LGR4: variants seen among roughly 807,000 people sequenced by gnomAD.
LGR4 encodes leucine-rich repeat-containing G protein-coupled receptor 4.
A neutral mutation model predicts 84.8 loss-of-function variants in LGR4; 44 were observed. That is an observed-to-expected ratio of 0.52 (90% confidence interval 0.41 to 0.67). The LOEUF is 0.67. Ranked by LOEUF, LGR4 falls within the 30% of genes least tolerant of loss-of-function variation. The probability of loss-of-function intolerance (pLI) is 0.00; values close to 1 mark genes in which losing one functional copy is unlikely to be tolerated. For synonymous variants in LGR4, 429 were observed against 434.3 expected (o/e 0.99, Z 0.15); for missense variants, 1,032 against 1,131.4 (o/e 0.91, Z 1.26).
chr11:27,437,659 T>TTGTGTG (rs1864234234), intron 1 of LGR4, among the ~76,000 whole-genome samples: 1 of 64,536 alleles, frequency 1.5e-5, no homozygotes, highest in African/African-American at 5.2e-5. Context: ...TTTAAAGGAC[T>TTGTGTG]AGTGTGTGTG....
chr11:27,408,379 T>C (rs1490205206), intron 2 of LGR4, among the ~76,000 whole-genome samples: 1 of 152,118 alleles, frequency 6.6e-6, no homozygotes, highest in Non-Finnish European at 1.5e-5. Flanking sequence ...CAACTGGAAT[T>C]ATCCTAGTCA....
At chr11:27,444,562 A>T (rs1864356277) in intron 1 of LGR4, among the ~76,000 whole-genome samples, 1 of 152,216 alleles carries the variant, frequency 6.6e-6, no homozygotes, top group Non-Finnish European at 1.5e-5. Context: ...TTTTACAATT[A>T]AACAATCTCT....
intron 1 of LGR4, among the ~76,000 whole-genome samples, chr11:27,452,935 T>C (rs758380580): frequency 6.6e-6 from 1 of 152,168 alleles, no homozygotes; most frequent in Non-Finnish European, 1.5e-5. Context: ...GCCTGTTGTA[T>C]TGACATACCA....
chr11:27,469,092 GT>G (rs1416922656), intron 1 of LGR4, among the ~76,000 whole-genome samples: 4 of 152,146 alleles, frequency 2.6e-5, no homozygotes, highest in African/African-American at 9.7e-5. Context: ...GGGGTGAATT[GT>G]GACAGGCCAG....
rs1347618172 is a variant in LGR4 at position 27,367,085 on chromosome 11, A to T, written c.*782T>A. The T allele has an allele frequency of 6.6e-6, 1 of 152,228 alleles. No homozygotes were observed. Among genetic ancestry groups the T allele is most frequent in the Non-Finnish European group, 1.5e-5 (1 of 68,024 alleles). 9.4% of individuals were successfully genotyped at this position (152,228 alleles called of 1,614,324 possible). A position where few individuals can be genotyped will look rare whatever the true frequency, so the allele number is the denominator to read the frequency against. On this transcript the variant is annotated 3_prime_UTR_variant, in exon 18 of 18. Coordinates refer to ENST00000379214, the MANE Select transcript of LGR4 (RefSeq NM_018490.5). ...TCAGATACTATTAAACCCCCACATT[A>T]GTTAGTAGTTTAGCCAAATCGACTA...
intron 2 of LGR4, among the ~76,000 whole-genome samples, chr11:27,412,161 C>T (rs1407127556): frequency 6.6e-6 from 1 of 151,932 alleles, no homozygotes; most frequent in African/African-American, 2.4e-5. Flanking sequence ...GTGGAGAGCA[C>T]AACAAAAAGG....
At chr11:27,399,670 C>T (rs1358653149) in intron 2 of LGR4, among the ~76,000 whole-genome samples, 2 of 152,052 alleles carry the variant, frequency 1.3e-5, no homozygotes, top group African/African-American at 4.8e-5. Context: ...CAGGCGCCCA[C>T]CACCATGCCC....
At chr11:27,430,897 A>G (rs1479595238) in intron 1 of LGR4, among the ~76,000 whole-genome samples, 1 of 133,676 alleles carries the variant, frequency 7.5e-6, no homozygotes, top group Non-Finnish European at 1.6e-5. Flanking sequence ...CCCCACTCCC[A>G]GCTCCCCCAA....
chr11:27,470,981 G>A (rs1864861117), intron 1 of LGR4, among the ~76,000 whole-genome samples: 1 of 152,048 alleles, frequency 6.6e-6, no homozygotes, highest in Non-Finnish European at 1.5e-5. Context: ...TCCACTACAG[G>A]TAAAAGGAAA....
At chr11:27,399,415 T>C (rs980885186) in intron 2 of LGR4, among the ~76,000 whole-genome samples, 1 of 152,206 alleles carries the variant, frequency 6.6e-6, no homozygotes, top group Non-Finnish European at 1.5e-5. Flanking sequence ...AAAGCATTTC[T>C]AGTTCAAAAC....
chr11:27,459,241 T>G (rs1025632365), intron 1 of LGR4, among the ~76,000 whole-genome samples: 10 of 152,160 alleles, frequency 6.6e-5, no homozygotes, highest in African/African-American at 2.4e-4. Flanking sequence ...CTTGCTTCCT[T>G]TTAGATAAAT....
At chr11:27,432,204 A>C (rs1864127900) in intron 1 of LGR4, among the ~76,000 whole-genome samples, 1 of 152,080 alleles carries the variant, frequency 6.6e-6, no homozygotes, top group Admixed American at 6.6e-5. Flanking sequence ...CAATTCCCTA[A>C]ATCCTCCTTC....
chr11:27,371,117 A>C (rs1862875157), intron 17 of LGR4, among the ~76,000 whole-genome samples: 1 of 152,224 alleles, frequency 6.6e-6, no homozygotes, highest in African/African-American at 2.4e-5. Context: ...AAAATATTTA[A>C]GCCTTCCTTT....
chr11:27,423,300 C>T (rs916356797), intron 1 of LGR4, among the ~76,000 whole-genome samples: 3 of 152,162 alleles, frequency 2.0e-5, no homozygotes, highest in Admixed American at 1.3e-4. Context: ...AATCCATATA[C>T]CCTGAAGACC....
rs78156832 is a variant in LGR4 at position 27,406,349 on chromosome 11, C to T, written c.257+6440G>A. ...ACTATACATTGTCTAGCAAGTCCTT[C>T]CTCACCCTCTCCACATCTACAGGGG... On this transcript the variant is annotated intron_variant, in intron 2 of 17. Transcript: ENST00000379214. 1.3e-4 allele frequency among the ~76,000 whole-genome samples: 20 copies of T among 152,220 alleles called. No individual in the cohort carries two copies. The East Asian group carries it at 3.9e-3, about 29-fold the overall frequency.
intron 1 of LGR4, among the ~76,000 whole-genome samples, chr11:27,460,089 C>CA (rs768616760): frequency 7.9e-4 from 120 of 151,532 alleles, no homozygotes; most frequent in Middle Eastern, 3.4e-3. Context: ...GACTCCGTCT[C>CA]AAAAAAAAGA....
rs1362793306 is a variant in LGR4 at position 27,392,496 on chromosome 11, A to C, written c.280T>G (p.Ser94Ala). 1 of 1,594,088 alleles carries C rather than the reference A, an allele frequency of 6.3e-7. No individual in the cohort carries two copies. The change falls in exon 3 of 18, where the codon TCT (serine) becomes GCT (alanine). Residue 94 changes from serine to alanine, a missense_variant. Coordinates refer to ENST00000379214, the MANE Select transcript of LGR4 (RefSeq NM_018490.5). Reference protein sequence around the residue: ...EELQLAGNDLSFIHPKALSGL... With the variant: ...EELQLAGNDLAFIHPKALSGL... ...GACAAGGCCTTTGGGTGGATAAAAG[A>C]AAGGTCGTTGCCCGCCAATTGTCTA...
intron 1 of LGR4, among the ~76,000 whole-genome samples, chr11:27,452,784 C>T (rs555075933): frequency 4.6e-4 from 69 of 150,724 alleles, no homozygotes; most frequent in East Asian, 3.5e-3. Flanking sequence ...CCACCACGTC[C>T]GGCTAATTTT....
At chr11:27,451,425 G>A (rs73448047) in intron 1 of LGR4, among the ~76,000 whole-genome samples, 1,993 of 152,302 alleles carry the variant, frequency 0.013, 33 homozygotes, top group African/African-American at 0.044. Context: ...AATGTTTTAA[G>A]GAGGCTAAAG....
Sources: allele counts gnomAD v4.1 joint callset (sites outside exome capture counted in the v4.1 genomes callset), GRCh38; gene constraint gnomAD v4.1.1; transcripts MANE v1.5; gene names NCBI Gene and HGNC (gene_info 2026-07-23, HGNC 2026-07-21).